The following ABLIM2 variants were observed in gnomAD, a reference collection of about 807,000 sequenced individuals.
ABLIM2 encodes actin-binding LIM protein 2.
ABLIM2 carries 53 observed loss-of-function variants against 97.7 expected under a neutral mutation model. The ratio of observed to expected loss-of-function variants is 0.54; its 90% CI spans 0.44 to 0.68. The LOEUF (loss-of-function observed/expected upper bound fraction) is 0.68. Among genes scored for constraint, ABLIM2 ranks in the 30% least tolerant of loss-of-function variants. The pLI is 0.00. For missense variants in ABLIM2, 835 were observed against 867.2 expected (o/e 0.96, Z 0.47); for synonymous variants, 361 against 345.8 (o/e 1.04, Z -0.49).
intron 17 of ABLIM2, among the ~76,000 whole-genome samples, chr4:7,988,815 C>A (rs79157473): frequency 0.025 from 3,850 of 152,212 alleles, 155 homozygotes; most frequent in African/African-American, 0.085. Context: ...AAAAACAGAG[C>A]TGGGATTTGA....
At chr4:7,967,137 T>C (rs768821567) in intron 20 of ABLIM2, 34 bp from the exon 21 acceptor site, 1 of 1,572,064 alleles carries the variant, frequency 6.4e-7, no homozygotes, top group Non-Finnish European at 8.7e-7. Flanking sequence ...AAGGGACCAG[T>C]TAGCCACGCA....
intron 13 of ABLIM2, 123 bp downstream of exon 13, chr4:8,020,079 G>A: frequency 1.2e-6 from 1 of 815,904 alleles, no homozygotes. Context: ...GGGGAGCAGT[G>A]GAGGAGCCTG....
At chr4:8,045,531 C>A (rs1194428311) in intron 8 of ABLIM2, among the ~76,000 whole-genome samples, 1 of 152,178 alleles carries the variant, frequency 6.6e-6, no homozygotes, top group Non-Finnish European at 1.5e-5. Context: ...CACCTGTAAT[C>A]CCAGCTACTC....
intron 5 of ABLIM2, among the ~76,000 whole-genome samples, chr4:8,080,370 A>C (rs1818988848): frequency 6.6e-6 from 1 of 152,170 alleles, no homozygotes. Context: ...CGGGGAGGGA[A>C]GGCACTTCAA....
chr4:8,096,771 G>C (rs1292483135), intron 3 of ABLIM2, among the ~76,000 whole-genome samples: 3 of 152,220 alleles, frequency 2.0e-5, no homozygotes, highest in Non-Finnish European at 4.4e-5. Context: ...TCAGCCCCAG[G>C]AGGTGCAGGC....
At position 7,970,446 on chromosome 4, in the gene ABLIM2, C is replaced by T. The variant is rs529272012; in HGVS notation, c.1825-3343G>A. On this transcript the variant is annotated intron_variant, in intron 20 of 20. Coordinates refer to ENST00000447017, the MANE Select transcript of ABLIM2 (RefSeq NM_001130083.2). The surrounding 1 kb of genome is among the most constrained non-coding windows in gnomAD (Gnocchi z 5.3). ...TGAGTGGTCTCTTGGGTTTAGCTGG[C>T]ATCAGGTCTTTGCTGGAGGAGGGAG... Among the ~76,000 whole-genome samples, 1 of 152,134 alleles carries T rather than the reference C, an allele frequency of 6.6e-6. No individual in the cohort carries two copies. Among genetic ancestry groups the T allele is most frequent in the Non-Finnish European group, 1.5e-5 (1 of 67,986 alleles).
Position 8,127,447 on chromosome 4 carries a change from G to A in ABLIM2, c.11-20810C>T. ...CCTTTCCCACCAGACCCCTGAAGCT[G>A]ATTCATGGAGCTCACAGCTCCCAGT... is the stretch of plus-strand genomic sequence containing the variant. On this transcript the variant is annotated intron_variant, in intron 1 of 20. Transcript: ENST00000447017. This position sits in a 1 kb window ranked among gnomAD's most constrained non-coding sequence, Gnocchi z 7.3. 7.9e-7 allele frequency: 1 copy of A among 1,261,048 alleles called. No individual in the cohort carries two copies. The highest frequency in any genetic ancestry group is 1.3e-5 in the South Asian group (1 of 79,558). 78.1% of individuals were successfully genotyped at this position (1,261,048 alleles called of 1,614,324 possible). A position where few individuals can be genotyped will look rare whatever the true frequency, so the allele number is the denominator to read the frequency against.
chr4:8,105,438 C>G (rs551931062), intron 2 of ABLIM2, among the ~76,000 whole-genome samples: 2 of 152,390 alleles, frequency 1.3e-5, no homozygotes, highest in South Asian at 2.1e-4. Context: ...CACAGCAGGG[C>G]CTCCTAGAGC....
At chr4:8,121,130 C>G (rs185798066) in intron 1 of ABLIM2, among the ~76,000 whole-genome samples, 2 of 152,212 alleles carry the variant, frequency 1.3e-5, no homozygotes, top group African/African-American at 2.4e-5. Flanking sequence ...GTCACTTCCC[C>G]GAGCCTGTTT....
Position 8,140,850 on chromosome 4 carries a change from G to T in ABLIM2, c.10+17830C>A, listed in dbSNP as rs113757553. Among the ~76,000 whole-genome samples, 40,161 of 151,936 alleles carry T rather than the reference G, an allele frequency of 0.26. 7,054 individuals are homozygous for T. The highest frequency in any genetic ancestry group is 0.5 in the African/African-American group (20,840 of 41,330). On this transcript the variant is annotated intron_variant, in intron 1 of 20. Transcript: ENST00000447017. The surrounding 1 kb of genome is among the most constrained non-coding windows in gnomAD (Gnocchi z 5.9). ...TTCAGGGCAGGGAGGTGGCTGCCAAGAAGAGCTATGAAGAATTAGAAGCTG... is the reference window on the plus strand; with the variant it reads ...TTCAGGGCAGGGAGGTGGCTGCCAATAAGAGCTATGAAGAATTAGAAGCTG...
rs544838664 is a variant in ABLIM2 at position 8,026,798 on chromosome 4, A to G, written c.1267+961T>C. 2.0e-5 allele frequency among the ~76,000 whole-genome samples: 3 copies of G among 152,266 alleles called. No individual in the cohort carries two copies. In the East Asian group the frequency reaches 5.8e-4, roughly 29 times the overall value. ...GTCTGGCAGGGTGTGGCTTCTCCTG[A>G]GACTGTTTTTCCTGGCTTGCAGACA... On this transcript the variant is annotated intron_variant, in intron 12 of 20. Transcript: ENST00000447017.
At chr4:8,137,996 A>G (rs55787542) in intron 1 of ABLIM2, among the ~76,000 whole-genome samples, 16,013 of 152,254 alleles carry the variant, frequency 0.11, 966 homozygotes, top group Middle Eastern at 0.22. Context: ...TAAAAAGGAG[A>G]GGAATTCTGA....
rs947817592 is a variant in ABLIM2 at position 8,122,883 on chromosome 4, C to T, written c.11-16246G>A. On this transcript the variant is annotated intron_variant, in intron 1 of 20. Transcript: ENST00000447017. This position sits in a 1 kb window ranked among gnomAD's most constrained non-coding sequence, Gnocchi z 4.1. ...TGGCCTTTTCCACCATGCCCCACCG[C>T]GTGGATGAGGGGATGGGAGAGGGAG... 3.3e-5 allele frequency among the ~76,000 whole-genome samples: 5 copies of T among 152,132 alleles called. No individual in the cohort carries two copies. Among genetic ancestry groups the T allele is most frequent in the African/African-American group, 9.7e-5 (4 of 41,402 alleles).
At chr4:7,981,367 C>T (rs926448885) in intron 20 of ABLIM2, among the ~76,000 whole-genome samples, 5 of 152,190 alleles carry the variant, frequency 3.3e-5, no homozygotes, top group African/African-American at 7.2e-5. Context: ...TAAGCCCCCA[C>T]CTCGAGTTGT....
intron 1 of ABLIM2, among the ~76,000 whole-genome samples, chr4:8,131,420 A>G (rs1411384120): frequency 6.6e-6 from 1 of 152,156 alleles, no homozygotes; most frequent in Non-Finnish European, 1.5e-5. Flanking sequence ...AGTGCAGAAA[A>G]TTATATCCTA....
chr4:8,039,930 G>C (rs1246589156), intron 9 of ABLIM2, among the ~76,000 whole-genome samples: 2 of 136,186 alleles, frequency 1.5e-5, no homozygotes, highest in Admixed American at 8.3e-5. Context: ...AGAAAGAAAA[G>C]AGCAGTAAAA....
chr4:8,113,692 C>CGGG lies in ABLIM2; in HGVS notation c.11-7056_11-7055insCCC, dbSNP rs1204009430. ...CATCCGCCAAGATGATTTCAGAAAGCTCCCCGTCTGCTGTTTGTATCATCC... is the reference window on the plus strand; with the variant it reads ...CATCCGCCAAGATGATTTCAGAAAGCGGGTCCCCGTCTGCTGTTTGTATCATCC... On this transcript the variant is annotated intron_variant, in intron 1 of 20. Transcript: ENST00000447017. This position sits in a 1 kb window ranked among gnomAD's most constrained non-coding sequence, Gnocchi z 4.5. 2.4e-4 allele frequency among the ~76,000 whole-genome samples: 37 copies of CGGG among 152,250 alleles called. No homozygotes were observed. Among genetic ancestry groups the CGGG allele is most frequent in the Admixed American group, 6.5e-5 (1 of 15,294 alleles).
chr4:8,058,735 C>T lies in ABLIM2; in HGVS notation c.763+2232G>A, dbSNP rs1045245675. On this transcript the variant is annotated intron_variant, in intron 7 of 20. Coordinates refer to ENST00000447017, the MANE Select transcript of ABLIM2 (RefSeq NM_001130083.2). The surrounding 1 kb of genome is among the most constrained non-coding windows in gnomAD (Gnocchi z 4.2). ...CCTCGAACTTTGCCCAGGTCTCCAC[C>T]ATCACCCTCCCAACCCATCCAGTCT... Among the ~76,000 whole-genome samples, 1 of 152,148 alleles carries T rather than the reference C, an allele frequency of 6.6e-6. No individual in the cohort carries two copies. The highest frequency in any genetic ancestry group is 2.4e-5 in the African/African-American group (1 of 41,446).
intron 13 of ABLIM2, 65 bp downstream of exon 13, chr4:8,020,135 GGT>G: frequency 6.9e-7 from 1 of 1,446,268 alleles, no homozygotes; most frequent in African/African-American, 1.4e-5. Context: ...TGACAGTTTG[GGT>G]GTGGCCAGTT....
Sources: gnomAD v4.1 joint callset for allele counts (sites outside exome capture counted in the v4.1 genomes callset) on GRCh38, gnomAD v4.1.1 for gene constraint, Gnocchi (gnomAD v3.1) non-coding constraint, MANE v1.5 for transcripts, NCBI Gene and HGNC (gene_info 2026-07-23, HGNC 2026-07-21) for gene names.